PPP1R1C: variants seen among roughly 807,000 people sequenced by gnomAD.
PPP1R1C encodes protein phosphatase 1 regulatory inhibitor subunit 1C, also known as protein phosphatase 1 regulatory subunit 1C.
In PPP1R1C, 15 loss-of-function variants were observed where a neutral mutation model predicts 17.4. That is an observed-to-expected ratio of 0.86 (90% CI 0.58 to 1.33). PPP1R1C has a LOEUF of 1.33. PPP1R1C is among the 40% of genes most tolerant of loss of function. The probability of loss-of-function intolerance (pLI) is 0.00; values close to 1 mark genes in which losing one functional copy is unlikely to be tolerated. For synonymous variants in PPP1R1C, 35 were observed against 43.1 expected, an observed-to-expected ratio of 0.81 and a Z score of 0.73; for missense variants, 143 against 130.0, an observed-to-expected ratio of 1.10 and a Z score of -0.48.
At chr2:182,128,987 T>C (rs570332171) in exon 6 of PPP1R1C, 1 of 152,234 alleles carries the variant, frequency 6.6e-6, no homozygotes, top group African/African-American at 2.4e-5. Context: ...CAAAATGAGT[T>C]GATAACAACC....
intron 4 of PPP1R1C, among the ~76,000 whole-genome samples, chr2:182,088,442 A>T (rs778971398): frequency 3.3e-5 from 5 of 152,178 alleles, no homozygotes; most frequent in Non-Finnish European, 7.3e-5. Flanking sequence ...ACTAGTAACC[A>T]TTGTTGGATA....
intron 1 of PPP1R1C, among the ~76,000 whole-genome samples, chr2:181,965,320 T>A (rs1684887648): frequency 6.6e-6 from 1 of 152,196 alleles, no homozygotes; most frequent in Non-Finnish European, 1.5e-5. Context: ...TATTTATCCA[T>A]TTTTGCTTTA....
chr2:182,015,882 T>A (rs930488392), intron 2 of PPP1R1C, among the ~76,000 whole-genome samples: 2 of 152,126 alleles, frequency 1.3e-5, no homozygotes, highest in African/African-American at 4.8e-5. Context: ...GGTTAAGGGA[T>A]GGGTGATGAC....
At chr2:182,081,326 A>T (rs1052905691) in intron 4 of PPP1R1C, among the ~76,000 whole-genome samples, 8 of 152,194 alleles carry the variant, frequency 5.3e-5, no homozygotes, top group African/African-American at 1.9e-4. Flanking sequence ...AGTATTGTAT[A>T]ATTTTTTTTC....
At chr2:182,022,000 A>G (rs989146173) in intron 2 of PPP1R1C, among the ~76,000 whole-genome samples, 6 of 152,384 alleles carry the variant, frequency 3.9e-5, no homozygotes, top group African/African-American at 1.4e-4. Flanking sequence ...TTAAAAAGCA[A>G]GAAAGATTCT....
chr2:182,023,713 T>C (rs1310219636), intron 2 of PPP1R1C: 1 of 152,144 alleles, frequency 6.6e-6, no homozygotes, highest in Non-Finnish European at 1.5e-5. Context: ...CTTGGTCTCC[T>C]GGGCTAAAGC....
At chr2:182,040,885 T>G (rs1353673892) in intron 2 of PPP1R1C, among the ~76,000 whole-genome samples, 26 of 152,136 alleles carry the variant, frequency 1.7e-4, no homozygotes, top group Non-Finnish European at 5.9e-5. Context: ...CCAGTTTTCC[T>G]AGCACCATTT....
intron 2 of PPP1R1C, among the ~76,000 whole-genome samples, chr2:182,052,799 A>G (rs1015217460): frequency 6.6e-6 from 1 of 152,044 alleles, no homozygotes; most frequent in Non-Finnish European, 1.5e-5. Flanking sequence ...TTTTATTAAC[A>G]TGTTTGAATA....
intron 2 of PPP1R1C, among the ~76,000 whole-genome samples, chr2:182,046,745 A>G (rs932192366): frequency 2.0e-5 from 3 of 151,934 alleles, no homozygotes; most frequent in Admixed American, 2.0e-4. Flanking sequence ...CTCAAGAAAA[A>G]AAAAAAAAAG....
chr2:182,002,350 T>C (rs1299763856), intron 2 of PPP1R1C, among the ~76,000 whole-genome samples: 2 of 152,090 alleles, frequency 1.3e-5, no homozygotes, highest in Non-Finnish European at 2.9e-5. Context: ...CTTTTTAAGA[T>C]ATGATATAAA....
intron 2 of PPP1R1C, among the ~76,000 whole-genome samples, chr2:182,000,573 T>C (rs1382940519): frequency 6.6e-6 from 1 of 152,120 alleles, no homozygotes; most frequent in African/African-American, 2.4e-5. Context: ...AAAACAACTT[T>C]TAGCAACAGT....
intron 4 of PPP1R1C, among the ~76,000 whole-genome samples, chr2:182,076,165 AATCAAGG>A (rs1266910669): frequency 7.4e-6 from 1 of 135,136 alleles, no homozygotes; most frequent in African/African-American, 2.8e-5. Flanking sequence ...GTTATCTATA[AATCAAGG>A]ATTTTGAACT....
intron 1 of PPP1R1C, among the ~76,000 whole-genome samples, chr2:181,955,801 CAG>C (rs1559036697): frequency 1.3e-5 from 2 of 152,172 alleles, no homozygotes; most frequent in East Asian, 1.9e-4. Flanking sequence ...TTCTAGCACA[CAG>C]AGATAAGCGC....
At chr2:182,047,184 A>G (rs1687373833) in intron 2 of PPP1R1C, among the ~76,000 whole-genome samples, 2 of 152,156 alleles carry the variant, frequency 1.3e-5, no homozygotes, top group East Asian at 1.9e-4. Context: ...AATTGGTCAT[A>G]AGACTTTATT....
At chr2:182,017,820 T>C (rs977342146) in intron 2 of PPP1R1C, among the ~76,000 whole-genome samples, 2 of 152,138 alleles carry the variant, frequency 1.3e-5, no homozygotes, top group African/African-American at 4.8e-5. Flanking sequence ...TGTACATCTA[T>C]TGTTAGTCTC....
At chr2:182,032,122 A>G (rs1469649121) in intron 2 of PPP1R1C, among the ~76,000 whole-genome samples, 1 of 152,250 alleles carries the variant, frequency 6.6e-6, no homozygotes, top group Admixed American at 6.5e-5. Context: ...AAATCATAGC[A>G]GATAAACATG....
chr2:182,116,021 T>C (rs1441212098), intron 4 of PPP1R1C, among the ~76,000 whole-genome samples: 2 of 152,188 alleles, frequency 1.3e-5, no homozygotes, highest in Non-Finnish European at 2.9e-5. Context: ...CTCTGATATC[T>C]TAACAGAATA....
chr2:182,021,516 C>T (rs1171927453), intron 2 of PPP1R1C, among the ~76,000 whole-genome samples: 1 of 151,840 alleles, frequency 6.6e-6, no homozygotes, highest in African/African-American at 2.4e-5. Context: ...TTAGTAGAGA[C>T]AGGGTTTCAC....
intron 2 of PPP1R1C, among the ~76,000 whole-genome samples, chr2:182,043,860 C>A (rs1188038125): frequency 6.6e-6 from 1 of 152,158 alleles, no homozygotes; most frequent in East Asian, 1.9e-4. Context: ...GTGCTGAAGA[C>A]TCCTAAATCT....
Sources: gnomAD v4.1 joint callset for allele counts (sites outside exome capture counted in the v4.1 genomes callset) on GRCh38, gnomAD v4.1.1 for gene constraint, MANE v1.5 for transcripts, NCBI Gene and HGNC (gene_info 2026-07-23, HGNC 2026-07-21) for gene names.